Variants in EP300 observed in about 807,000 individuals in gnomAD.
The protein encoded by EP300 is EP300 lysine acetyltransferase.
EP300 carries 31 observed loss-of-function variants against 264.0 expected under a neutral mutation model. The ratio of observed to expected loss-of-function variants is 0.12; its 90% CI spans 0.09 to 0.16. The LOEUF is 0.16. Among genes scored for constraint, EP300 ranks in the 10% least tolerant of loss-of-function variants. The pLI, the probability that EP300 is intolerant of heterozygous loss-of-function variation, is 1.00. For synonymous variants in EP300, 1,340 were observed against 1,045.4 expected (o/e 1.28, Z -5.44); for missense variants, 2,766 against 3,052.9 (o/e 0.91, Z 2.21).
chr22:41,102,271 A>G (rs922637690), intron 1 of EP300, among the ~76,000 whole-genome samples: 2 of 152,116 alleles, frequency 1.3e-5, no homozygotes, highest in African/African-American at 4.8e-5. Flanking sequence ...GTCTGGTGTG[A>G]TCAGCATTGT....
chr22:41,157,513 T>A (rs1045606463), intron 18 of EP300, 105 bp downstream of exon 18: 3 of 193,740 alleles, frequency 1.5e-5, no homozygotes, highest in East Asian at 1.7e-4. Context: ...TTGACATGGC[T>A]TTTTTTTTTT....
At chr22:41,152,452 G>A (rs1382981210) in intron 16 of EP300, 102 bp downstream of exon 16, 1 of 1,374,470 alleles carries the variant, frequency 7.3e-7, no homozygotes, top group African/African-American at 1.4e-5. Flanking sequence ...TGCCATTATT[G>A]TGATTTCATT....
intron 1 of EP300, among the ~76,000 whole-genome samples, chr22:41,114,507 TATG>T (rs1218948301): frequency 2.0e-5 from 3 of 152,184 alleles, no homozygotes; most frequent in Non-Finnish European, 4.4e-5. Flanking sequence ...GAGGAGCCCA[TATG>T]ATATTTCAAA....
chr22:41,109,349 C>G (rs1014760149), intron 1 of EP300, among the ~76,000 whole-genome samples: 1 of 152,008 alleles, frequency 6.6e-6, no homozygotes, highest in African/African-American at 2.4e-5. Context: ...ACTGTAGGCC[C>G]TAGAATAACA....
At chr22:41,160,095 A>G (rs923289887) in intron 19 of EP300, 1 of 155,928 alleles carries the variant, frequency 6.4e-6, no homozygotes, top group Non-Finnish European at 1.4e-5. Context: ...GTATTTAGGT[A>G]ATGAGTAGCA....
chr22:41,176,370 A>G lies in EP300; in HGVS notation c.4903A>G (p.Arg1635Gly). The change falls in exon 30 of 31, where the codon AGG becomes GGG. Residue 1635 changes from arginine to glycine, a missense_variant. By Grantham distance (125) the Arg-to-Gly change is moderately radical. Transcript: ENST00000263253. ...TCGGGATGCGTTTCTCACGCTGGCA[A>G]GGGACAAGCACCTGGAGTTCTCTTC... The part of the protein sequence containing the change: ...DGRDAFLTLA[R>G]DKHLEFSSLR... The G allele has an allele frequency of 6.2e-7, 1 of 1,614,196 alleles. No individual in the cohort carries two copies. The highest frequency in any genetic ancestry group is 8.5e-7 in the Non-Finnish European group (1 of 1,180,038).
At chr22:41,130,733 G>A (rs2058914083) in intron 5 of EP300, among the ~76,000 whole-genome samples, 2 of 151,562 alleles carry the variant, frequency 1.3e-5, no homozygotes. Context: ...TGATCTAAAC[G>A]TTCCAGGTAC....
Position 41,117,648 on chromosome 22 carries a change from A to G in EP300, c.556A>G (p.Ile186Val), listed in dbSNP as rs1485538679. The change falls in exon 2 of 31, where the codon ATA (isoleucine) becomes GTA (valine). Residue 186 changes from isoleucine to valine, a missense_variant. Transcript: ENST00000263253. ...GMLAAGNGQGIMPNQVMNGSI... is the reference protein window; with the variant it reads ...GMLAAGNGQGVMPNQVMNGSI... The stretch of plus-strand genomic sequence containing the variant: ...GTTGGCTGCAGGCAATGGACAAGGG[A>G]TAATGCCTAATCAAGTCATGAACGG... 3 of 1,614,214 alleles carry G rather than the reference A, an allele frequency of 1.9e-6. No homozygotes were observed. The highest frequency in any genetic ancestry group is 1.1e-5 in the South Asian group (1 of 91,086).
rs2059224944 is a variant in EP300, at chr22:41,179,253, T to TA, written c.*298dup. The TA allele has an allele frequency of 7.4e-6, 3 of 403,838 alleles. No individual in the cohort carries two copies. Among genetic ancestry groups the TA allele is most frequent in the Non-Finnish European group, 1.3e-5 (3 of 223,900 alleles). 25.0% of individuals were successfully genotyped at this position (403,838 alleles called of 1,614,324 possible). On this transcript the variant is annotated 3_prime_UTR_variant, in exon 31 of 31. Coordinates refer to ENST00000263253, the MANE Select transcript of EP300 (RefSeq NM_001429.4). The stretch of plus-strand genomic sequence containing the variant: ...GGCTGAGGCCTGTGAAGCCAAACAA[T>TA]ATGCTCCTGCCTTGCACCTCCAATA...
intron 22 of EP300, 35 bp downstream of exon 22, chr22:41,164,165 T>C: frequency 1.9e-6 from 3 of 1,590,810 alleles, no homozygotes; most frequent in Middle Eastern, 1.7e-4. Context: ...TCTGGAATTT[T>C]TCTTTATCGT....
chr22:41,133,267 C>A (rs897964041), intron 6 of EP300, among the ~76,000 whole-genome samples: 9 of 150,344 alleles, frequency 6.0e-5, no homozygotes, highest in African/African-American at 2.2e-4. Context: ...AGCAGTTCTT[C>A]CTGCCTCAGC....
In EP300 at chr22:41,177,365, C is replaced by T. The variant is rs763093656; in HGVS notation, c.5654C>T (p.Pro1885Leu). The change falls in exon 31 of 31, where the codon CCC becomes CTC. Residue 1885 changes from proline (P) to leucine (L), a missense_variant. By Grantham distance (98) the Pro-to-Leu change is moderately conservative. Transcript: ENST00000263253. ...CCTACCCCTCCCAATAGCATGCCAC[C>T]CTACTTGCCCAGGACTCAAGCTGCT... is the stretch of plus-strand genomic sequence containing the variant. ...PQPTPPNSMP[P>L]YLPRTQAAGP... The T allele has an allele frequency of 5.0e-6, 8 of 1,614,048 alleles. No individual in the cohort carries two copies. Among genetic ancestry groups the T allele is most frequent in the South Asian group, 1.1e-5 (1 of 91,082 alleles).
chr22:41,116,989 ATAGAGGT>A (rs1569090126), intron 1 of EP300, among the ~76,000 whole-genome samples, 191 bp from the exon 2 acceptor site: 1 of 152,166 alleles, frequency 6.6e-6, no homozygotes, highest in Admixed American at 6.6e-5. Flanking sequence ...GAACCTGTGG[ATAGAGGT>A]TACAGTAAGC....
In EP300 at chr22:41,092,705, G is replaced by A. The variant is rs910705799; in HGVS notation, c.-300G>A. On this transcript the variant is annotated 5_prime_UTR_variant, in exon 1 of 31. Transcript: ENST00000263253. ...GCGGGCCGGGGACTGCGCCTCTAGA[G>A]CCGCGAGTTCTCGGGAATTCGCCGC... 24 of 618,710 alleles carry A rather than the reference G, an allele frequency of 3.9e-5. No individual in the cohort carries two copies. Among genetic ancestry groups the A allele is most frequent in the African/African-American group, 3.7e-4 (20 of 53,928 alleles). The allele number at this position is 618,710 out of a possible 1,614,324, so 38.3% of individuals were successfully genotyped here. A position where few individuals can be genotyped will look rare whatever the true frequency, so the allele number is the denominator to read the frequency against.
At chr22:41,119,240 A>C (rs1601599619) in intron 2 of EP300, among the ~76,000 whole-genome samples, 1 of 143,272 alleles carries the variant, frequency 7.0e-6, no homozygotes. Flanking sequence ...GGCTAATCTC[A>C]AACTCCTCTT....
At chr22:41,110,913 T>C (rs1357497830) in intron 1 of EP300, among the ~76,000 whole-genome samples, 2 of 152,122 alleles carry the variant, frequency 1.3e-5, no homozygotes, top group Non-Finnish European at 2.9e-5. Context: ...CTTTTGAGTT[T>C]ACACCTGTTT....
chr22:41,151,226 T>A (rs1029719518), intron 14 of EP300, among the ~76,000 whole-genome samples: 2 of 152,120 alleles, frequency 1.3e-5, no homozygotes, highest in African/African-American at 4.8e-5. Context: ...TGGCCTCTGA[T>A]AGACAAGGAA....
chr22:41,127,689 G>T lies in EP300; in HGVS notation c.1109G>T (p.Arg370Leu), dbSNP rs983340187. 6.2e-7 allele frequency: 1 copy of T among 1,614,092 alleles called. No individual in the cohort carries two copies. Reference protein sequence around the residue: ...EVRQCNLPHCRTMKNVLNHMT... With the variant: ...EVRQCNLPHCLTMKNVLNHMT... ...AGGCAGTGCAACCTTCCCCACTGTC[G>T]CACAATGAAGAATGTCCTAAACCAC... Residue 370 changes from arginine (R) to leucine (L), a missense_variant, in exon 4 of 31, where the codon CGC becomes CTC. Physicochemically the swap from Arg to Leu is moderately radical, Grantham distance 102 (BLOSUM62 -2). Transcript: ENST00000263253.
intron 10 of EP300, among the ~76,000 whole-genome samples, chr22:41,144,492 C>T (rs1393321607): frequency 1.3e-5 from 2 of 151,496 alleles, no homozygotes; most frequent in East Asian, 3.9e-4. Context: ...TAGCTGGGAC[C>T]ACAGGCACAC....
Sources: gnomAD v4.1 joint callset for allele counts (sites outside exome capture counted in the v4.1 genomes callset) on GRCh38, gnomAD v4.1.1 for gene constraint, MANE v1.5 for transcripts, NCBI Gene and HGNC (gene_info 2026-07-23, HGNC 2026-07-21) for gene names.